DHRSX: variants seen among roughly 807,000 people sequenced by gnomAD.
The protein encoded by DHRSX is polyprenol dehydrogenase.
In DHRSX, 31 loss-of-function variants were observed where a neutral mutation model predicts 34.0. The observed-to-expected ratio is 0.91, with a 90% CI of 0.69 to 1.23. DHRSX has a LOEUF of 1.23. DHRSX is among the 50% of genes most tolerant of loss of function. The pLI is 0.00. For missense variants in DHRSX, 414 were observed against 428.1 expected (o/e 0.97, Z 0.29); for synonymous variants, 201 against 183.8 (o/e 1.09, Z -0.76).
chrX:2,495,432 C>G (rs1392522038), intron 1 of DHRSX, among the ~76,000 whole-genome samples: 1 of 151,998 alleles, frequency 6.6e-6, no homozygotes, highest in Non-Finnish European at 1.5e-5. Context: ...TTGGCTGAAA[C>G]AGGTCTAGTA....
At chrX:2,401,734 G>A (rs766518916) in intron 3 of DHRSX, among the ~76,000 whole-genome samples, 2 of 152,276 alleles carry the variant, frequency 1.3e-5, no homozygotes, top group African/African-American at 4.8e-5. Context: ...TTCGGTAAGT[G>A]AATGAGACTA....
intron 3 of DHRSX, among the ~76,000 whole-genome samples, chrX:2,313,049 C>A (rs1209630454): frequency 6.6e-6 from 1 of 151,266 alleles, no homozygotes; most frequent in Non-Finnish European, 1.5e-5. Flanking sequence ...GTTGCCCAGG[C>A]TGGAGTGCAG....
At chrX:2,452,270 T>G (rs1204987680) in intron 1 of DHRSX, among the ~76,000 whole-genome samples, 2 of 151,180 alleles carry the variant, frequency 1.3e-5, no homozygotes, top group African/African-American at 2.4e-5. Flanking sequence ...CCTAAGCAGG[T>G]GGCTAAGGGA....
intron 5 of DHRSX, among the ~76,000 whole-genome samples, chrX:2,256,542 C>T (rs1359705571): frequency 1.2e-4 from 19 of 152,194 alleles, no homozygotes; most frequent in African/African-American, 3.4e-4. Flanking sequence ...GTGATACGCC[C>T]GCCTCGGCCT....
At chrX:2,490,995 G>A (rs145900687) in intron 1 of DHRSX, among the ~76,000 whole-genome samples, 3 of 152,006 alleles carry the variant, frequency 2.0e-5, no homozygotes, top group East Asian at 1.9e-4. Flanking sequence ...CAGCGATGCC[G>A]CACGTGTCAA....
chrX:2,241,504 A>C (rs998144112), intron 6 of DHRSX, among the ~76,000 whole-genome samples: 1 of 152,126 alleles, frequency 6.6e-6, no homozygotes, highest in Non-Finnish European at 1.5e-5. Context: ...TTCTGAACCC[A>C]CATCGCGGAG....
In DHRSX at chrX:2,220,413, G is replaced by C. The variant is rs774128289; in HGVS notation, c.*628C>G. 2.6e-5 allele frequency: 4 copies of C among 152,450 alleles called. No homozygotes were observed. Among genetic ancestry groups the C allele is most frequent in the African/African-American group, 9.6e-5 (4 of 41,546 alleles). 9.4% of individuals were successfully genotyped at this position (152,450 alleles called of 1,614,324 possible). A position where few individuals can be genotyped will look rare whatever the true frequency, so the allele number is the denominator to read the frequency against. ...TAGGGCATGAACATATCTTTTGAGG[G>C]CTACCATTTGATCCATAGCTGTTCA... On this transcript the variant is annotated 3_prime_UTR_variant, in exon 7 of 7. Transcript: ENST00000334651.
At chrX:2,378,659 A>AT (rs1160269757) in intron 3 of DHRSX, among the ~76,000 whole-genome samples, 2 of 151,732 alleles carry the variant, frequency 1.3e-5, no homozygotes, top group African/African-American at 4.8e-5. Context: ...TACATACTAT[A>AT]TTTTTTTCTC....
At chrX:2,242,223 C>T (rs1229769447) in intron 6 of DHRSX, among the ~76,000 whole-genome samples, 3 of 152,088 alleles carry the variant, frequency 2.0e-5, no homozygotes, top group African/African-American at 4.8e-5. Flanking sequence ...CTTCAAATGG[C>T]AAAGGGGGAT....
chrX:2,468,915 C>T (rs1343742527), intron 1 of DHRSX, among the ~76,000 whole-genome samples: 1 of 145,868 alleles, frequency 6.9e-6, no homozygotes, highest in Non-Finnish European at 1.5e-5. Flanking sequence ...TGACCGCTGC[C>T]GTTGCACACT....
rs2015512365 is a variant in DHRSX at position 2,221,221 on chromosome X, A to G, written c.813T>C (p.Asp271=). The G allele has an allele frequency of 1.2e-6, 2 of 1,612,974 alleles. No individual in the cohort carries two copies. Among genetic ancestry groups the G allele is most frequent in the African/African-American group, 1.3e-5 (1 of 74,868 alleles). ...CGTAGATGGAAGTCCACGCTCCTTC[A>G]TCGGGGGTCTGGTGGAAGAAGAAAA... The part of the protein sequence containing the change: ...LLGWLLFKTP[D]EGAWTSIYAA... Residue 271 remains aspartate (D), a synonymous_variant, in exon 7 of 7, where the codon GAT becomes GAC. Coordinates refer to ENST00000334651, the MANE Select transcript of DHRSX (RefSeq NM_145177.3).
chrX:2,453,291 T>C (rs1389199525), intron 1 of DHRSX, among the ~76,000 whole-genome samples: 1 of 151,472 alleles, frequency 6.6e-6, no homozygotes, highest in Non-Finnish European at 1.5e-5. Context: ...CACAATGCTA[T>C]GGAAGGCTGA....
At chrX:2,382,781 C>G (rs1603031391) in intron 3 of DHRSX, among the ~76,000 whole-genome samples, 1 of 135,918 alleles carries the variant, frequency 7.4e-6, no homozygotes, top group Non-Finnish European at 1.5e-5. Flanking sequence ...TCACCATCAC[C>G]ATCATCACCA....
intron 1 of DHRSX, among the ~76,000 whole-genome samples, chrX:2,428,640 G>C (rs1342369500): frequency 6.6e-6 from 1 of 152,170 alleles, no homozygotes; most frequent in Non-Finnish European, 1.5e-5. Flanking sequence ...GACTAGGGGA[G>C]GGAGAGCATT....
intron 2 of DHRSX, among the ~76,000 whole-genome samples, chrX:2,422,334 T>G (rs1453721264): frequency 6.6e-6 from 1 of 150,978 alleles, no homozygotes; most frequent in Non-Finnish European, 1.5e-5. Context: ...GCGATCTCGG[T>G]TCACTGCAAC....
chrX:2,356,470 A>G (rs1410483592), intron 3 of DHRSX, among the ~76,000 whole-genome samples: 1 of 152,172 alleles, frequency 6.6e-6, no homozygotes, highest in Admixed American at 6.5e-5. Flanking sequence ...AGATGATGAC[A>G]TGAAGTGATT....
At chrX:2,486,146 G>A (rs968694158) in intron 1 of DHRSX, among the ~76,000 whole-genome samples, 16 of 152,070 alleles carry the variant, frequency 1.1e-4, no homozygotes, top group South Asian at 8.3e-4. Flanking sequence ...TGAAGGAACC[G>A]GCAAAAATCT....
intron 3 of DHRSX, among the ~76,000 whole-genome samples, chrX:2,298,293 T>C (rs2041958702): frequency 6.7e-6 from 1 of 149,292 alleles, no homozygotes; most frequent in Non-Finnish European, 1.5e-5. Context: ...TATATTTCTA[T>C]TGTGCAAGTT....
At chrX:2,284,506 C>G (rs1602869899) in intron 4 of DHRSX, among the ~76,000 whole-genome samples, 2 of 152,208 alleles carry the variant, frequency 1.3e-5, no homozygotes, top group African/African-American at 4.8e-5. Context: ...TGTTATTTTT[C>G]AGGGTCACCC....
Sources: allele counts gnomAD v4.1 joint callset (sites outside exome capture counted in the v4.1 genomes callset), GRCh38; gene constraint gnomAD v4.1.1; transcripts MANE v1.5; gene names NCBI Gene and HGNC (gene_info 2026-07-23, HGNC 2026-07-21).